The following DLG5 variants were observed in gnomAD, a reference collection of about 807,000 sequenced individuals.
The protein encoded by DLG5 is discs large MAGUK scaffold protein 5, also known as disks large homolog 5.
Under a neutral mutation model 189.8 loss-of-function variants are expected in DLG5, and 48 were observed. The ratio of observed to expected loss-of-function variants is 0.25; its 90% CI spans 0.20 to 0.32. The LOEUF (loss-of-function observed/expected upper bound fraction) is 0.32. DLG5 is among the 10% of genes least tolerant of loss of function. DLG5 has a pLI of 1.00. For missense variants in DLG5, 2,160 were observed against 2,544.7 expected (o/e 0.85, Z 3.25); for synonymous variants, 1,016 against 1,054.1 (o/e 0.96, Z 0.70).
chr10:77,903,191 G>A (rs907454420), intron 1 of DLG5, among the ~76,000 whole-genome samples: 2 of 152,332 alleles, frequency 1.3e-5, no homozygotes, highest in East Asian at 3.9e-4. Flanking sequence ...ACTTTGGGAG[G>A]CCGAGGCAGG....
chr10:77,886,957 A>G (rs1845459519), intron 1 of DLG5, among the ~76,000 whole-genome samples: 1 of 152,118 alleles, frequency 6.6e-6, no homozygotes, highest in Non-Finnish European at 1.5e-5. Flanking sequence ...TGACGCCCTG[A>G]CCTTGGACTT....
At chr10:77,938,937 C>T in the DLG5 span, among the ~76,000 whole-genome samples, 1 of 152,292 alleles carries the variant, frequency 6.6e-6, no homozygotes, top group East Asian at 1.9e-4. Context: ...GCCTGTAATC[C>T]CAGCACTTTG....
intron 1 of DLG5, among the ~76,000 whole-genome samples, chr10:77,920,445 T>C (rs1185027994): frequency 6.6e-6 from 1 of 152,208 alleles, no homozygotes; most frequent in Non-Finnish European, 1.5e-5. Context: ...TGGACATTCA[T>C]CTGCTCTTTT....
intron 1 of DLG5, among the ~76,000 whole-genome samples, chr10:77,873,035 A>ATGTG (rs1844967690): frequency 1.9e-5 from 2 of 107,860 alleles, no homozygotes; most frequent in Non-Finnish European, 3.9e-5. Flanking sequence ...GTGTGTGCAC[A>ATGTG]CACACACACA....
chr10:77,875,172 C>A (rs1055954174), intron 1 of DLG5, among the ~76,000 whole-genome samples: 1 of 152,190 alleles, frequency 6.6e-6, no homozygotes, highest in Admixed American at 6.5e-5. Context: ...TCTACCCCAG[C>A]GCCTGTGCTC....
chr10:77,796,057 G>T lies in DLG5; in HGVS notation c.5436+4C>A. 6.2e-7 allele frequency: 1 copy of T among 1,614,186 alleles called. No individual in the cohort carries two copies. The highest frequency in any genetic ancestry group is 2.2e-5 in the East Asian group (1 of 44,876). ...CCTAATCCTCAGACTGAAGCCCTGG[G>T]TACCTTTTCTGTGATCTCCTTTATT... is the stretch of plus-strand genomic sequence containing the variant. On this transcript the variant is annotated splice_donor_region_variant and intron_variant, in intron 29 of 31. Transcript: ENST00000372391. This position sits in a 1 kb window ranked among gnomAD's most constrained non-coding sequence, Gnocchi z 5.2.
Position 77,816,676 on chromosome 10 carries a change from G to A in DLG5, c.3900C>T (p.Ser1300=). Residue 1300 remains serine (S), a synonymous_variant, in exon 20 of 32, where the codon AGC becomes AGT. Transcript: ENST00000372391. ...TGTTCAGGGGTGACTGTGGAGGAGT[G>A]CTGCATTCAGAATGTGACACTGAAC... is the stretch of plus-strand genomic sequence containing the variant. The part of the protein sequence containing the change: ...ERGSVSHSEC[S]TPPQSPLNID... 1.2e-6 allele frequency: 2 copies of A among 1,612,362 alleles called. No homozygotes were observed. The highest frequency in any genetic ancestry group is 1.7e-6 in the Non-Finnish European group (2 of 1,179,098).
intron 5 of DLG5, among the ~76,000 whole-genome samples, chr10:77,846,998 C>A (rs915436403): frequency 6.6e-6 from 1 of 152,154 alleles, no homozygotes; most frequent in African/African-American, 2.4e-5. Context: ...GGAGTCTATA[C>A]CATGGTTTGG....
chr10:77,796,481 C>G lies in DLG5; in HGVS notation c.5278G>C (p.Ala1760Pro), dbSNP rs1840928545. 6 of 1,614,212 alleles carry G rather than the reference C, an allele frequency of 3.7e-6. No homozygotes were observed. The East Asian group carries it at 1.1e-4, about 30-fold the overall frequency. Residue 1760 changes from alanine (A) to proline (P), a missense_variant, in exon 28 of 32, where the codon GCT becomes CCT. By Grantham distance (27) the Ala-to-Pro change is conservative. Coordinates refer to ENST00000372391, the MANE Select transcript of DLG5 (RefSeq NM_004747.4). The surrounding 1 kb of genome is among the most constrained non-coding windows in gnomAD (Gnocchi z 5.2). ...DVVKEMLVNEAPGKFCRCPLE... is the reference protein window; with the variant it reads ...DVVKEMLVNEPPGKFCRCPLE... ...GGACATCTGCAGAACTTGCCAGGAG[C>G]CTCATTCACCAGCATCTCCTTCACC... is the stretch of plus-strand genomic sequence containing the variant.
intron 10 of DLG5, 50 bp downstream of exon 10, chr10:77,830,691 C>T (rs1217191608): frequency 2.5e-6 from 4 of 1,602,260 alleles, no homozygotes; most frequent in Non-Finnish European, 8.5e-7. Context: ...GTCACCGTCT[C>T]CTCCTTCATC....
intron 1 of DLG5, among the ~76,000 whole-genome samples, chr10:77,910,847 C>G (rs987379858): frequency 1.3e-5 from 2 of 152,122 alleles, no homozygotes; most frequent in African/African-American, 4.8e-5. Flanking sequence ...TGGCACACGC[C>G]TGTAATCCCA....
At chr10:77,922,834 C>T (rs182320136) in intron 1 of DLG5, among the ~76,000 whole-genome samples, 66 of 152,352 alleles carry the variant, frequency 4.3e-4, no homozygotes, top group African/African-American at 1.3e-3. Flanking sequence ...CACAGTGTGT[C>T]TCCTAGTCAC....
chr10:77,805,311 A>G lies in DLG5; in HGVS notation c.5164+354T>C, dbSNP rs190314828. Among the ~76,000 whole-genome samples, 91 of 152,282 alleles carry G rather than the reference A, an allele frequency of 6.0e-4. 1 individual carries two copies. Among genetic ancestry groups the G allele is most frequent in the African/African-American group, 2.0e-3 (85 of 41,558 alleles). ...ACCTCTCTTGCACATGCAAGTGGAC[A>G]ATGAGATGCAAGTTGAAGTCACAGG... On this transcript the variant is annotated intron_variant, in intron 27 of 31. Transcript: ENST00000372391.
rs1436364534 is a variant in DLG5, at chr10:77,831,441, C to T, written c.1749-568G>A. 6.6e-5 allele frequency among the ~76,000 whole-genome samples: 10 copies of T among 151,902 alleles called. No homozygotes were observed. In the East Asian group the frequency reaches 1.9e-3, roughly 29 times the overall value. ...AATTTAAAAAATAAAATCAAAATGC[C>T]AACAAGATTTTTGTAGATATAGACG... is the stretch of plus-strand genomic sequence containing the variant. On this transcript the variant is annotated intron_variant, in intron 9 of 31. Transcript: ENST00000372391.
chr10:77,821,408 G>T lies in DLG5; in HGVS notation c.3076C>A (p.His1026Asn). 3 of 1,612,764 alleles carry T rather than the reference G, an allele frequency of 1.9e-6. No individual in the cohort carries two copies. Among genetic ancestry groups the T allele is most frequent in the African/African-American group, 1.3e-5 (1 of 75,042 alleles). The change falls in exon 15 of 32, where the codon CAC (histidine) becomes AAC (asparagine). Residue 1026 changes from histidine (H) to asparagine (N), a missense_variant. Physicochemically the swap from His to Asn is moderately conservative, Grantham distance 68. This residue lies in a region of DLG5 where 754 missense variants were observed against 746.5 expected (regional missense o/e 1.01). Transcript: ENST00000372391. ...GACTCGGAGCTAGTCTCCAGCCTGTGCTGGAACTTAATGGAGTCGCTCCTT... is the reference window on the plus strand; with the variant it reads ...GACTCGGAGCTAGTCTCCAGCCTGTTCTGGAACTTAATGGAGTCGCTCCTT... Reference protein sequence around the residue: ...PRRSDSIKFQHRLETSSESEA... With the variant: ...PRRSDSIKFQNRLETSSESEA...
chr10:77,825,869 T>C (rs1450714450), intron 13 of DLG5, among the ~76,000 whole-genome samples: 1 of 152,220 alleles, frequency 6.6e-6, no homozygotes, highest in Non-Finnish European at 1.5e-5. Flanking sequence ...TCAAGTTTTC[T>C]TTTTAAAATA....
chr10:77,881,478 A>G (rs1407648347), intron 1 of DLG5, among the ~76,000 whole-genome samples: 1 of 152,204 alleles, frequency 6.6e-6, no homozygotes, highest in Non-Finnish European at 1.5e-5. Context: ...CCTCTGTCAC[A>G]GCTCAGCTGC....
intron 1 of DLG5, among the ~76,000 whole-genome samples, chr10:77,904,846 C>T (rs1396262176): frequency 1.3e-5 from 2 of 151,990 alleles, no homozygotes; most frequent in African/African-American, 2.4e-5. Context: ...CTCCTGGCTC[C>T]GGCCGGGCGC....
At chr10:77,869,957 G>C (rs1294675141) in intron 1 of DLG5, among the ~76,000 whole-genome samples, 3 of 152,090 alleles carry the variant, frequency 2.0e-5, no homozygotes, top group African/African-American at 7.2e-5. Flanking sequence ...TCTGTTTCCT[G>C]GTCTGCAAAA....
Sources: gnomAD v4.1 joint callset for allele counts (sites outside exome capture counted in the v4.1 genomes callset) on GRCh38, gnomAD v4.1.1 for gene constraint, gnomAD v4.1.1 regional missense constraint, Gnocchi (gnomAD v3.1) non-coding constraint, MANE v1.5 for transcripts, NCBI Gene and HGNC (gene_info 2026-07-23, HGNC 2026-07-21) for gene names.